ANXA3: variants seen among roughly 807,000 people sequenced by gnomAD.
The protein encoded by ANXA3 is annexin A3, also known as 35-alpha calcimedin.
A neutral mutation model predicts 48.8 loss-of-function variants in ANXA3; 46 were observed. The observed-to-expected ratio is 0.94, with a 90% confidence interval of 0.74 to 1.21. The LOEUF (loss-of-function observed/expected upper bound fraction) is 1.21. Ranked by LOEUF, ANXA3 falls within the 50% of genes most tolerant of loss-of-function variation. The pLI is 0.00. For missense variants in ANXA3, 383 were observed against 378.6 expected (o/e 1.01, Z -0.10); for synonymous variants, 128 against 134.7 (o/e 0.95, Z 0.35).
intron 2 of ANXA3, among the ~76,000 whole-genome samples, chr4:78,572,371 C>G (rs1457028272): frequency 6.6e-6 from 1 of 152,190 alleles, no homozygotes; most frequent in Non-Finnish European, 1.5e-5. Flanking sequence ...CAGACAAAAT[C>G]AGTCCACTGA....
chr4:78,563,061 T>A (rs550792967), intron 2 of ANXA3, among the ~76,000 whole-genome samples: 1 of 152,212 alleles, frequency 6.6e-6, no homozygotes. Flanking sequence ...AGTCTTCACA[T>A]GGACTGTTCA....
chr4:78,593,113 CCACACACACA>C lies in ANXA3; in HGVS notation c.483+1520_483+1529del, dbSNP rs59972919. ...AAGTATTTGTACATGAACACACATA[CCACACACACA>C]CACACACACACACACACACACACAC... is the stretch of plus-strand genomic sequence containing the variant. On this transcript the variant is annotated intron_variant, in intron 7 of 12. Coordinates refer to ENST00000264908, the MANE Select transcript of ANXA3 (RefSeq NM_005139.3). Among the ~76,000 whole-genome samples the C allele has an allele frequency of 2.9e-3, 411 of 144,030 alleles. 4 individuals are homozygous for C. Among genetic ancestry groups the C allele is most frequent in the South Asian group, 5.6e-3 (25 of 4,476 alleles). The allele number at this position is 144,030 out of a possible 152,430, so 94.5% of individuals were successfully genotyped here.
intron 9 of ANXA3, 135 bp from the exon 10 acceptor site, chr4:78,597,184 C>T (rs1323304639): frequency 3.3e-6 from 2 of 611,612 alleles, no homozygotes; most frequent in Non-Finnish European, 5.7e-6. Flanking sequence ...AACTTCTGTG[C>T]CCAGATTTTC....
chr4:78,568,774 A>C (rs979663912), intron 2 of ANXA3, among the ~76,000 whole-genome samples: 1 of 152,230 alleles, frequency 6.6e-6, no homozygotes, highest in East Asian at 1.9e-4. Flanking sequence ...AGCTTGGCCA[A>C]GCAGTGGCTT....
chr4:78,596,414 T>A (rs1723425515), intron 9 of ANXA3, among the ~76,000 whole-genome samples: 1 of 152,260 alleles, frequency 6.6e-6, no homozygotes, highest in Non-Finnish European at 1.5e-5. Flanking sequence ...GCTCATGGCA[T>A]CTCCTAGAAC....
intron 12 of ANXA3, among the ~76,000 whole-genome samples, chr4:78,608,250 C>T (rs1293528540): frequency 6.6e-6 from 1 of 151,928 alleles, no homozygotes; most frequent in East Asian, 1.9e-4. Context: ...GGAAAGGCTT[C>T]TATGAGAAAG....
intron 2 of ANXA3, among the ~76,000 whole-genome samples, chr4:78,572,078 C>T (rs1462792218): frequency 6.6e-6 from 1 of 152,150 alleles, no homozygotes; most frequent in African/African-American, 2.4e-5. Flanking sequence ...TGCGAGATGC[C>T]ATGATGAGCT....
At chr4:78,591,732 C>T in intron 7 of ANXA3, 109 bp downstream of exon 7, 1 of 759,284 alleles carries the variant, frequency 1.3e-6, no homozygotes, top group Non-Finnish European at 2.2e-6. Context: ...CACAATTTTC[C>T]TTATGAAATG....
chr4:78,571,300 C>T (rs974328511), intron 2 of ANXA3: 1 of 152,192 alleles, frequency 6.6e-6, no homozygotes, highest in Admixed American at 6.5e-5. Flanking sequence ...AGTGAGCCAC[C>T]ATGTCCAGAC....
chr4:78,570,036 T>C (rs1005609215), intron 2 of ANXA3, among the ~76,000 whole-genome samples: 1 of 152,246 alleles, frequency 6.6e-6, no homozygotes, highest in Non-Finnish European at 1.5e-5. Context: ...TTGTAAGTCA[T>C]GTAATATTTC....
At chr4:78,610,026 T>C (rs772342634) in intron 12 of ANXA3, 30 bp from the exon 13 acceptor site, 46 of 1,538,950 alleles carry the variant, frequency 3.0e-5, no homozygotes, top group Non-Finnish European at 3.9e-5. Context: ...TTATACTGTA[T>C]TTGTTCTTCA....
intron 7 of ANXA3, among the ~76,000 whole-genome samples, chr4:78,591,844 G>T (rs929982664): frequency 6.6e-6 from 1 of 152,186 alleles, no homozygotes; most frequent in African/African-American, 2.4e-5. Flanking sequence ...ACTTATTTGA[G>T]TCAGTAAGTG....
At chr4:78,558,932 A>G (rs1041876409) in intron 2 of ANXA3, among the ~76,000 whole-genome samples, 2 of 152,170 alleles carry the variant, frequency 1.3e-5, no homozygotes, top group African/African-American at 2.4e-5. Context: ...CTTCTGTTAT[A>G]CAATGCTGGC....
chr4:78,557,034 GTGT>G (rs1722529383), intron 2 of ANXA3, among the ~76,000 whole-genome samples: 1 of 152,206 alleles, frequency 6.6e-6, no homozygotes, highest in Non-Finnish European at 1.5e-5. Context: ...TAAAATGAAG[GTGT>G]TGTTGGGACT....
intron 10 of ANXA3, among the ~76,000 whole-genome samples, chr4:78,599,121 T>G (rs533772362): frequency 1.4e-4 from 21 of 152,348 alleles, no homozygotes; most frequent in African/African-American, 4.8e-4. Context: ...TATAAAATTT[T>G]TTATTGAGAT....
intron 12 of ANXA3, among the ~76,000 whole-genome samples, chr4:78,606,437 T>C (rs1432449478): frequency 6.6e-6 from 1 of 152,164 alleles, no homozygotes; most frequent in Non-Finnish European, 1.5e-5. Context: ...GCACCCTCTC[T>C]CAAGCCCCTA....
rs1270121343 is a variant in ANXA3 at position 78,582,159 on chromosome 4, T to G, written c.199-18T>G. On this transcript the variant is annotated intron_variant, in intron 4 of 12. Transcript: ENST00000264908. ...AAAAAAGTATTTCACATTTTTCCCC[T>G]TGGTTTTTTGATTTTAGGAGCTGAA... 14 of 1,547,198 alleles carry G rather than the reference T, an allele frequency of 9.0e-6. No homozygotes were observed. Among genetic ancestry groups the G allele is most frequent in the African/African-American group, 1.4e-5 (1 of 73,220 alleles).
At chr4:78,586,168 C>A in intron 5 of ANXA3, 92 bp from the exon 6 acceptor site, 2 of 861,186 alleles carry the variant, frequency 2.3e-6, no homozygotes, top group Non-Finnish European at 3.6e-6. Flanking sequence ...TAAAAGTGTC[C>A]TTTCATCTAT....
At chr4:78,573,110 G>C (rs369342841) in intron 2 of ANXA3, 70 bp from the exon 3 acceptor site, 16 of 1,102,496 alleles carry the variant, frequency 1.5e-5, no homozygotes, top group South Asian at 8.7e-5. Flanking sequence ...TATGCATGAA[G>C]GAATATGCAT....
Sources: allele counts gnomAD v4.1 joint callset (sites outside exome capture counted in the v4.1 genomes callset), GRCh38; gene constraint gnomAD v4.1.1; transcripts MANE v1.5; gene names NCBI Gene and HGNC (gene_info 2026-07-23, HGNC 2026-07-21).